The following GPC6 variants were observed in gnomAD, a reference collection of about 807,000 sequenced individuals.
GPC6 encodes glypican 6.
Under a neutral mutation model 55.2 loss-of-function variants are expected in GPC6, and 14 were observed. The observed-to-expected ratio is 0.25, with a 90% confidence interval of 0.17 to 0.40. The LOEUF (loss-of-function observed/expected upper bound fraction) is 0.40, where lower values mean the gene tolerates loss of function less well. Ranked by LOEUF, GPC6 falls within the 10% of genes least tolerant of loss-of-function variation. GPC6 has a pLI of 1.00. For missense variants in GPC6, 641 were observed against 708.5 expected, an observed-to-expected ratio of 0.90 and a Z score of 1.08; for synonymous variants, 278 against 259.6, an observed-to-expected ratio of 1.07 and a Z score of -0.68.
intron 1 of GPC6, among the ~76,000 whole-genome samples, chr13:93,332,763 T>C (rs1879898270): frequency 6.6e-6 from 1 of 152,186 alleles, no homozygotes; most frequent in African/African-American, 2.4e-5. Flanking sequence ...GCTTTTGAGA[T>C]CTTACCTCAA....
intron 7 of GPC6, among the ~76,000 whole-genome samples, chr13:94,391,876 A>G (rs1380602759): frequency 1.3e-5 from 2 of 152,222 alleles, no homozygotes; most frequent in Non-Finnish European, 2.9e-5. Flanking sequence ...GGTACCTCAT[A>G]TAAGTGGAAT....
At chr13:93,863,189 C>T (rs921044994) in intron 3 of GPC6, among the ~76,000 whole-genome samples, 1 of 151,692 alleles carries the variant, frequency 6.6e-6, no homozygotes, top group East Asian at 2.0e-4. Flanking sequence ...CATCAAACTA[C>T]AGCCTGAAGA....
chr13:93,652,084 T>G (rs1880444663), intron 2 of GPC6, among the ~76,000 whole-genome samples: 1 of 152,220 alleles, frequency 6.6e-6, no homozygotes, highest in African/African-American at 2.4e-5. Context: ...CTAATTGATC[T>G]CAGGCATTTT....
intron 4 of GPC6, among the ~76,000 whole-genome samples, chr13:94,158,772 G>C (rs1223190443): frequency 6.6e-6 from 1 of 152,134 alleles, no homozygotes; most frequent in African/African-American, 2.4e-5. Flanking sequence ...CAAGTAGTTA[G>C]GTCTGGGTTC....
chr13:93,838,893 A>T (rs780596027), intron 3 of GPC6, among the ~76,000 whole-genome samples: 1 of 152,194 alleles, frequency 6.6e-6, no homozygotes, highest in Admixed American at 6.5e-5. Flanking sequence ...TCACCAACAT[A>T]TAAATGTTTG....
chr13:93,819,693 TAGG>T (rs1886978198), intron 2 of GPC6, among the ~76,000 whole-genome samples: 1 of 152,208 alleles, frequency 6.6e-6, no homozygotes, highest in Non-Finnish European at 1.5e-5. Context: ...ATGCAGTCCA[TAGG>T]CTCAAAGCAG....
chr13:94,159,509 A>G (rs748322597), intron 4 of GPC6, among the ~76,000 whole-genome samples: 72 of 152,132 alleles, frequency 4.7e-4, no homozygotes, highest in Non-Finnish European at 4.4e-5. Flanking sequence ...CATGAGACTT[A>G]ATTTACTACC....
chr13:94,149,403 T>C (rs559180500), intron 4 of GPC6, among the ~76,000 whole-genome samples: 1 of 152,248 alleles, frequency 6.6e-6, no homozygotes, highest in South Asian at 2.1e-4. Flanking sequence ...AAGACAGAAC[T>C]TGGGTCCAAA....
At chr13:93,696,051 G>C (rs1882440654) in intron 2 of GPC6, among the ~76,000 whole-genome samples, 1 of 152,182 alleles carries the variant, frequency 6.6e-6, no homozygotes, top group South Asian at 2.1e-4. Context: ...AAAGACTTTT[G>C]ACATTTTTCC....
intron 1 of GPC6, among the ~76,000 whole-genome samples, chr13:93,230,862 C>T (rs997265523): frequency 6.6e-6 from 1 of 152,080 alleles, no homozygotes; most frequent in African/African-American, 2.4e-5. Context: ...AATGTTGTTT[C>T]AGGCTTACTC....
At chr13:93,800,917 T>A (rs1886348532) in intron 2 of GPC6, among the ~76,000 whole-genome samples, 1 of 152,210 alleles carries the variant, frequency 6.6e-6, no homozygotes, top group African/African-American at 2.4e-5. Flanking sequence ...GTATTATTTT[T>A]AAACTTCTTG....
At chr13:93,554,704 G>C (rs931444542) in intron 2 of GPC6, among the ~76,000 whole-genome samples, 1 of 152,168 alleles carries the variant, frequency 6.6e-6, no homozygotes, top group Non-Finnish European at 1.5e-5. Context: ...TGTAAAAAAA[G>C]AGGTAGCTGG....
chr13:93,843,583 A>G (rs1341256208), intron 3 of GPC6, among the ~76,000 whole-genome samples: 2 of 152,170 alleles, frequency 1.3e-5, no homozygotes, highest in Non-Finnish European at 2.9e-5. Flanking sequence ...ATAAAAAAAC[A>G]TAATTTATTT....
intron 1 of GPC6, among the ~76,000 whole-genome samples, chr13:93,311,582 T>C (rs1879069187): frequency 6.6e-6 from 1 of 152,326 alleles, no homozygotes; most frequent in Non-Finnish European, 1.5e-5. Flanking sequence ...CAGTCTATTG[T>C]AATTACTGTA....
At chr13:93,706,768 A>T (rs1384351603) in intron 2 of GPC6, among the ~76,000 whole-genome samples, 1 of 151,918 alleles carries the variant, frequency 6.6e-6, no homozygotes, top group Non-Finnish European at 1.5e-5. Flanking sequence ...CACTATAATT[A>T]GGTTTTAGAT....
intron 6 of GPC6, among the ~76,000 whole-genome samples, chr13:94,310,412 A>G (rs577417879): frequency 1.8e-4 from 28 of 152,186 alleles, no homozygotes; most frequent in African/African-American, 6.5e-4. Flanking sequence ...ATTCTGAGGG[A>G]ATTTGGGGTG....
intron 1 of GPC6, among the ~76,000 whole-genome samples, chr13:93,365,990 A>G (rs931177532): frequency 1.3e-5 from 2 of 152,106 alleles, no homozygotes; most frequent in African/African-American, 2.4e-5. Flanking sequence ...GTCATATTTT[A>G]CATATTTTTA....
At chr13:94,120,478 A>G (rs1164412216) in intron 4 of GPC6, among the ~76,000 whole-genome samples, 1 of 151,560 alleles carries the variant, frequency 6.6e-6, no homozygotes, top group African/African-American at 2.4e-5. Flanking sequence ...ATCAGGATTA[A>G]GTTGGGATGC....
intron 1 of GPC6, among the ~76,000 whole-genome samples, chr13:93,231,413 ATATATATATACG>A (rs1876052287): frequency 4.4e-5 from 2 of 45,832 alleles, no homozygotes; most frequent in African/African-American, 1.1e-4. Context: ...ATATATATAT[ATATATATATACG>A]TATATATATA....
Sources: gnomAD v4.1 joint callset for allele counts (sites outside exome capture counted in the v4.1 genomes callset) on GRCh38, gnomAD v4.1.1 for gene constraint, MANE v1.5 for transcripts, NCBI Gene and HGNC (gene_info 2026-07-23, HGNC 2026-07-21) for gene names.